The following EYS variants were observed in gnomAD, a reference collection of about 807,000 sequenced individuals.
The protein encoded by EYS is protein eyes shut homolog.
In EYS, 250 loss-of-function variants were observed where a neutral mutation model predicts 282.1. The ratio of observed to expected loss-of-function variants is 0.89; its 90% confidence interval spans 0.80 to 0.98. The LOEUF (loss-of-function observed/expected upper bound fraction) is 0.98. Ranked by LOEUF, EYS falls within the 50% of genes least tolerant of loss-of-function variation. The pLI is 0.00. For missense variants in EYS, 4,016 were observed against 3,709.0 expected, an observed-to-expected ratio of 1.08 and a Z score of -2.15; for synonymous variants, 1,355 against 1,282.9, an observed-to-expected ratio of 1.06 and a Z score of -1.20.
intron 33 of EYS, among the ~76,000 whole-genome samples, chr6:64,065,438 ATTTTGTTT>A (rs774990757): frequency 1.3e-5 from 2 of 152,196 alleles, no homozygotes; most frequent in Non-Finnish European, 2.9e-5. Flanking sequence ...CTGCATGTAA[ATTTTGTTT>A]AGTAATGCCC....
At position 63,833,990 on chromosome 6, in the gene EYS, G is replaced by A. The variant is rs1582257772; in HGVS notation, c.7229-27618C>T. ...TTCCCTATTTAATAAATGGTTCTGGGAAAACTGGCTAGCCATATGTAGAAA... is the reference window on the plus strand; with the variant it reads ...TTCCCTATTTAATAAATGGTTCTGGAAAAACTGGCTAGCCATATGTAGAAA... On this transcript the variant is annotated intron_variant, in intron 36 of 42. Coordinates refer to ENST00000503581, the MANE Select transcript of EYS (RefSeq NM_001142800.2). 2.0e-5 allele frequency among the ~76,000 whole-genome samples: 3 copies of A among 152,178 alleles called. 1 individual carries two copies. In the South Asian group the frequency reaches 6.2e-4, roughly 31 times the overall value.
At chr6:64,954,222 A>G (rs1027425515) in intron 14 of EYS, among the ~76,000 whole-genome samples, 1 of 151,924 alleles carries the variant, frequency 6.6e-6, no homozygotes, top group Non-Finnish European at 1.5e-5. Context: ...CCCTACCTTC[A>G]TAAACCATTT....
At position 63,720,740 on chromosome 6, in the gene EYS, AT is replaced by A; in HGVS notation, c.9290del (p.Asn3097IlefsTer30). 6.5e-7 allele frequency: 1 copy of A among 1,549,696 alleles called. No homozygotes were observed. The highest frequency in any genetic ancestry group is 8.7e-7 in the Non-Finnish European group (1 of 1,146,192). ...LGGFEYGRKVNIVTQEIFKTN... is the reference protein window; with the variant it reads ...LGGFEYGRKVXIVTQEIFKTN... ...TTTTAAAAATCTCTTGAGTAACGAT[AT>A]TTACCTTTCTACCATATTCAAAGCC... On this transcript the variant is annotated frameshift_variant, in exon 43 of 43. Coordinates refer to ENST00000503581, the MANE Select transcript of EYS (RefSeq NM_001142800.2). LOFTEE classifies it high-confidence loss of function.
At chr6:64,941,397 A>G (rs1203146923) in intron 15 of EYS, among the ~76,000 whole-genome samples, 1 of 152,046 alleles carries the variant, frequency 6.6e-6, no homozygotes, top group Non-Finnish European at 1.5e-5. Context: ...AAATTTACAA[A>G]TATATACGTG....
intron 11 of EYS, among the ~76,000 whole-genome samples, chr6:65,317,849 T>C (rs377664693): frequency 0.038 from 1,470 of 38,184 alleles, 14 homozygotes; most frequent in East Asian, 0.12. Flanking sequence ...TTTCTTTCTT[T>C]CTTTCTTTCT....
At chr6:65,507,808 CT>C (rs1379829031) in intron 2 of EYS, among the ~76,000 whole-genome samples, 1 of 152,004 alleles carries the variant, frequency 6.6e-6, no homozygotes, top group African/African-American at 2.4e-5. Flanking sequence ...GAGTCTCCAT[CT>C]CCCTGTTTAC....
At chr6:64,035,341 T>C (rs1335496451) in intron 33 of EYS, among the ~76,000 whole-genome samples, 1 of 152,218 alleles carries the variant, frequency 6.6e-6, no homozygotes, top group South Asian at 2.1e-4. Flanking sequence ...TATACTTTCA[T>C]GCTAGAAAAT....
intron 31 of EYS, among the ~76,000 whole-genome samples, chr6:64,132,637 T>A (rs930939995): frequency 6.6e-6 from 1 of 151,890 alleles, no homozygotes; most frequent in African/African-American, 2.4e-5. Context: ...ATTAAAAATA[T>A]CCACAACCCA....
chr6:65,385,870 A>T (rs1029035102), intron 7 of EYS, among the ~76,000 whole-genome samples: 1 of 151,986 alleles, frequency 6.6e-6, no homozygotes, highest in Admixed American at 6.6e-5. Context: ...GAAAGGTAGC[A>T]ACCCTTCCTA....
In EYS at chr6:64,958,734, CAAAAAAAAAA is replaced by C. The variant is rs1167094477; in HGVS notation, c.2260-12830_2260-12821del. On this transcript the variant is annotated intron_variant, in intron 14 of 42. Coordinates refer to ENST00000503581, the MANE Select transcript of EYS (RefSeq NM_001142800.2). Reference sequence around the variant, plus strand: ...TGGGCGACAAAACGAGACTCCGTCTCAAAAAAAAAAAAAAAAAAAAAAAAAAAAAGAAACA... The same window carrying C: ...TGGGCGACAAAACGAGACTCCGTCTCAAAAAAAAAAAAAAAAAAAGAAACA... Among the ~76,000 whole-genome samples, 327 of 51,668 alleles carry C rather than the reference CAAAAAAAAAA, an allele frequency of 6.3e-3. 5 individuals are homozygous for C. Among genetic ancestry groups the C allele is most frequent in the Middle Eastern group, 0.038 (1 of 26 alleles). The allele number at this position is 51,668 out of a possible 152,430, so 33.9% of individuals were successfully genotyped here. A position where few individuals can be genotyped will look rare whatever the true frequency, so the allele number is the denominator to read the frequency against.
intron 12 of EYS, among the ~76,000 whole-genome samples, chr6:65,123,267 CA>C (rs534247828): frequency 7.9e-5 from 12 of 152,042 alleles, no homozygotes; most frequent in African/African-American, 2.9e-4. Context: ...AAATAAATTA[CA>C]AAAGAGGAAG....
At chr6:64,359,485 C>T (rs1423937118) in intron 29 of EYS, among the ~76,000 whole-genome samples, 5 of 151,638 alleles carry the variant, frequency 3.3e-5, no homozygotes, top group Non-Finnish European at 7.4e-5. Flanking sequence ...GAAATACATT[C>T]GTACTTTACA....
intron 33 of EYS, among the ~76,000 whole-genome samples, chr6:64,051,322 C>T (rs1298573648): frequency 6.6e-6 from 1 of 152,086 alleles, no homozygotes; most frequent in Non-Finnish European, 1.5e-5. Flanking sequence ...TAAGTAGAAA[C>T]AGGAAGATAA....
intron 31 of EYS, among the ~76,000 whole-genome samples, chr6:64,209,118 T>A (rs917049467): frequency 6.6e-6 from 1 of 152,120 alleles, no homozygotes; most frequent in African/African-American, 2.4e-5. Context: ...GAAATGAAAT[T>A]GTGCTTAACA....
Position 65,133,922 on chromosome 6 carries a change from GAA to G in EYS, c.2024-76197_2024-76196del, listed in dbSNP as rs56318415. On this transcript the variant is annotated intron_variant, in intron 12 of 42. Coordinates refer to ENST00000503581, the MANE Select transcript of EYS (RefSeq NM_001142800.2). ...ATAAGGAACTTAAACAAATTTACAAGAAAAAAAAACCCACTAAAATGGTTGGA... is the reference window on the plus strand; with the variant it reads ...ATAAGGAACTTAAACAAATTTACAAGAAAAAAACCCACTAAAATGGTTGGA... 6.5e-3 allele frequency among the ~76,000 whole-genome samples: 981 copies of G among 150,134 alleles called. 12 individuals are homozygous for G. Among genetic ancestry groups the G allele is most frequent in the African/African-American group, 0.022 (922 of 41,058 alleles).
chr6:64,069,655 TTAAAA>T (rs1482435899), intron 32 of EYS, among the ~76,000 whole-genome samples: 13 of 152,166 alleles, frequency 8.5e-5, no homozygotes, highest in African/African-American at 2.6e-4. Context: ...GTAGAATTTC[TTAAAA>T]TAAGAGCAGG....
At chr6:64,997,757 G>A (rs1446962113) in intron 13 of EYS, 54 bp from the exon 14 acceptor site, 1 of 1,490,058 alleles carries the variant, frequency 6.7e-7, no homozygotes, top group Non-Finnish European at 9.0e-7. Context: ...CTTAGTACAG[G>A]TAATTATAAT....
chr6:65,418,164 C>T (rs1023784794), intron 5 of EYS, among the ~76,000 whole-genome samples: 3 of 151,992 alleles, frequency 2.0e-5, no homozygotes, highest in Non-Finnish European at 4.4e-5. Flanking sequence ...GTTGTACATA[C>T]CAGCCTAAGT....
At chr6:64,404,212 C>A (rs1002223595) in intron 28 of EYS, among the ~76,000 whole-genome samples, 1 of 152,026 alleles carries the variant, frequency 6.6e-6, no homozygotes, top group Non-Finnish European at 1.5e-5. Context: ...AACAATGTCA[C>A]TGGAGCTTTT....
Sources: gnomAD v4.1 joint callset for allele counts (sites outside exome capture counted in the v4.1 genomes callset) on GRCh38, gnomAD v4.1.1 for gene constraint, MANE v1.5 for transcripts, NCBI Gene and HGNC (gene_info 2026-07-23, HGNC 2026-07-21) for gene names.